NUGGC: variants seen among roughly 807,000 people sequenced by gnomAD.
The protein encoded by NUGGC is nuclear GTPase SLIP-GC.
Under a neutral mutation model 92.6 loss-of-function variants are expected in NUGGC, and 58 were observed. The ratio of observed to expected loss-of-function variants is 0.63; its 90% CI spans 0.51 to 0.78. NUGGC has a LOEUF of 0.78. Among genes scored for constraint, NUGGC ranks in the 30% least tolerant of loss-of-function variants. The probability of loss-of-function intolerance (pLI) is 0.00; values close to 1 mark genes in which losing one functional copy is unlikely to be tolerated. For missense variants in NUGGC, 925 were observed against 964.6 expected (o/e 0.96, Z 0.54); for synonymous variants, 376 against 366.4 (o/e 1.03, Z -0.30).
At chr8:28,070,137 A>G in intron 3 of NUGGC, 115 bp downstream of exon 3, 2 of 1,453,400 alleles carry the variant, frequency 1.4e-6, no homozygotes, top group Non-Finnish European at 1.8e-6. Context: ...TTTCCAAAAC[A>G]GGTTTATTTG....
Position 28,023,458 on chromosome 8 carries a change from G to A in NUGGC, c.2250C>T (p.Val750=), listed in dbSNP as rs1188522488. The change falls in exon 19 of 19, where the codon GTC becomes GTT. Residue 750 remains valine, a synonymous_variant. Coordinates refer to ENST00000413272, the MANE Select transcript of NUGGC (RefSeq NM_001010906.2). The stretch of plus-strand genomic sequence containing the variant: ...TCTCCATCTCCTTGTATTCACTCCC[G>A]ACATCTACAGGAGAGCAGAAAGCTC... The part of the protein sequence containing the change: ...GDGLYKELAD[V]GSEYKEMEKL... 16 of 1,613,204 alleles carry A rather than the reference G, an allele frequency of 9.9e-6. No individual in the cohort carries two copies. Among genetic ancestry groups the A allele is most frequent in the African/African-American group, 1.3e-5 (1 of 74,972 alleles).
intron 16 of NUGGC, 53 bp downstream of exon 16, chr8:28,030,257 T>C: frequency 1.0e-6 from 1 of 975,572 alleles, no homozygotes. Context: ...ATGCGAAAGA[T>C]GCTGACAGAA....
At position 28,079,763 on chromosome 8, in the gene NUGGC, G is replaced by A. The variant is rs74636689; in HGVS notation, c.-47+4012C>T. Among the ~76,000 whole-genome samples, 833 of 152,304 alleles carry A rather than the reference G, an allele frequency of 5.5e-3. 6 individuals carry two copies. Among genetic ancestry groups the A allele is most frequent in the African/African-American group, 0.019 (776 of 41,560 alleles). ...GGCATAGGGCAATGGAAGGAGTAGT[G>A]CCCGCAAAGGAGGGTTCCCTCAAAT... On this transcript the variant is annotated intron_variant, in intron 1 of 18. Transcript: ENST00000413272.
chr8:28,027,132 T>C (rs1585549832), intron 17 of NUGGC, 80 bp from the exon 18 acceptor site: 2 of 1,143,446 alleles, frequency 1.7e-6, no homozygotes. Context: ...CCCCACCCAG[T>C]CCCCCAGCCA....
At chr8:28,033,187 G>A (rs1388598962) in intron 14 of NUGGC, among the ~76,000 whole-genome samples, 1 of 152,042 alleles carries the variant, frequency 6.6e-6, no homozygotes, top group Non-Finnish European at 1.5e-5. Context: ...AAGAAAGAAA[G>A]TTCTAAAGGC....
Position 28,041,228 on chromosome 8 carries a change from ACCATAAAAGAATCAGGCCAC to A in NUGGC, c.1447-33_1447-14del. ...GCAAGTGTTCATTCTAGGGACAAGGACCATAAAAGAATCAGGCCACCCCCTCCCTAAGGGCACCTTCTCCT... is the reference window on the plus strand; with the variant it reads ...GCAAGTGTTCATTCTAGGGACAAGGACCCCTCCCTAAGGGCACCTTCTCCT... On this transcript the variant is annotated splice_polypyrimidine_tract_variant and intron_variant, in intron 12 of 18. Coordinates refer to ENST00000413272, the MANE Select transcript of NUGGC (RefSeq NM_001010906.2). 6.2e-7 allele frequency: 1 copy of A among 1,601,726 alleles called. No individual in the cohort carries two copies. Among genetic ancestry groups the A allele is most frequent in the Non-Finnish European group, 8.5e-7 (1 of 1,172,900 alleles).
chr8:28,072,184 T>C (rs1810607224), intron 2 of NUGGC, among the ~76,000 whole-genome samples: 1 of 152,216 alleles, frequency 6.6e-6, no homozygotes, highest in African/African-American at 2.4e-5. Context: ...TGAGAGAGGT[T>C]ATACTTCGAC....
intron 10 of NUGGC, 44 bp from the exon 11 acceptor site, chr8:28,047,656 T>C (rs757384310): frequency 2.4e-5 from 30 of 1,257,786 alleles, no homozygotes; most frequent in Admixed American, 8.2e-5. Flanking sequence ...ACTCAAACCA[T>C]AGCAAAGGCA....
At chr8:28,064,843 G>C (rs551599512) in intron 6 of NUGGC, 112 bp from the exon 7 acceptor site, 2 of 847,834 alleles carry the variant, frequency 2.4e-6, no homozygotes, top group Non-Finnish European at 3.7e-6. Context: ...TAAGAAGTGC[G>C]TCCAACAGGA....
intron 13 of NUGGC, among the ~76,000 whole-genome samples, chr8:28,035,612 C>A (rs1809535043): frequency 1.3e-5 from 2 of 152,294 alleles, no homozygotes; most frequent in South Asian, 2.1e-4. Context: ...ACCATGGAAA[C>A]TTCCATGGCC....
In NUGGC at chr8:28,060,478, C is replaced by T. The variant is rs747273858; in HGVS notation, c.1045G>A (p.Val349Met). 2.5e-5 allele frequency: 40 copies of T among 1,613,802 alleles called. 1 individual carries two copies. In the South Asian group the frequency reaches 3.7e-4, roughly 15 times the overall value. The change falls in exon 8 of 19, where the codon GTG becomes ATG. Residue 349 changes from valine (V) to methionine (M), a missense_variant. Coordinates refer to ENST00000413272, the MANE Select transcript of NUGGC (RefSeq NM_001010906.2). Reference protein sequence around the residue: ...KACQRGFCRDVALVVTKMDKL... With the variant: ...KACQRGFCRDMALVVTKMDKL... ...TCCATCTTGGTGACCACCAGGGCCA[C>T]GTCCCTACAGAAGCCCCGCTGGCAG...
chr8:28,069,759 G>A, intron 3 of NUGGC, 107 bp from the exon 4 acceptor site: 1 of 727,476 alleles, frequency 1.4e-6, no homozygotes, highest in Non-Finnish European at 2.5e-6. Context: ...AAAAAAAAAT[G>A]AAATGAAAAG....
chr8:28,022,772 A>T lies in NUGGC; in HGVS notation c.*545T>A, dbSNP rs1195453808. ...CAAGATGCCATCTCCACAAAAAATT[A>T]AAAAATTACCCAGGTATGGGCCGGG... On this transcript the variant is annotated 3_prime_UTR_variant, in exon 19 of 19. Transcript: ENST00000413272. 3 of 151,978 alleles carry T rather than the reference A, an allele frequency of 2.0e-5. No individual in the cohort carries two copies. The highest frequency in any genetic ancestry group is 3.9e-4 in the East Asian group (2 of 5,106). The allele number at this position is 151,978 out of a possible 1,614,324, so 9.4% of individuals were successfully genotyped here. A position where few individuals can be genotyped will look rare whatever the true frequency, so the allele number is the denominator to read the frequency against.
At chr8:28,072,273 A>C (rs1810609636) in intron 2 of NUGGC, among the ~76,000 whole-genome samples, 1 of 152,236 alleles carries the variant, frequency 6.6e-6, no homozygotes, top group African/African-American at 2.4e-5. Context: ...GGACTGCCTT[A>C]GAACTAAATA....
intron 1 of NUGGC, among the ~76,000 whole-genome samples, chr8:28,078,708 C>T (rs532113962): frequency 9.3e-4 from 142 of 152,172 alleles, no homozygotes; most frequent in African/African-American, 3.3e-3. Flanking sequence ...TTAGGGCTTC[C>T]GTGTGGCCAA....
At chr8:28,043,945 C>G (rs917517653) in intron 12 of NUGGC, among the ~76,000 whole-genome samples, 1 of 152,168 alleles carries the variant, frequency 6.6e-6, no homozygotes, top group East Asian at 1.9e-4. Context: ...TCTTGTACAA[C>G]TAGACCAAAA....
Position 28,023,456 on chromosome 8 carries a change from C to T in NUGGC, c.2252G>A (p.Gly751Glu). 7 of 1,613,492 alleles carry T rather than the reference C, an allele frequency of 4.3e-6. No homozygotes were observed. The highest frequency in any genetic ancestry group is 5.9e-6 in the Non-Finnish European group (7 of 1,179,664). ...DGLYKELADV[G>E]SEYKEMEKLH... ...CTTCTCCATCTCCTTGTATTCACTC[C>T]CGACATCTACAGGAGAGCAGAAAGC... Residue 751 changes from glycine (G) to glutamate (E), a missense_variant, in exon 19 of 19, where the codon GGG becomes GAG. Coordinates refer to ENST00000413272, the MANE Select transcript of NUGGC (RefSeq NM_001010906.2).
chr8:28,071,320 A>T (rs138456960), intron 2 of NUGGC, among the ~76,000 whole-genome samples: 1 of 152,324 alleles, frequency 6.6e-6, no homozygotes, highest in East Asian at 1.9e-4. Flanking sequence ...CTAGGAAAGA[A>T]AGCGACTAGA....
chr8:28,056,120 A>T, intron 9 of NUGGC, 66 bp from the exon 10 acceptor site: 1 of 885,416 alleles, frequency 1.1e-6, no homozygotes, highest in East Asian at 2.6e-5. Flanking sequence ...AGGTGGCAAG[A>T]TGCACATTTT....
Sources: allele counts gnomAD v4.1 joint callset (sites outside exome capture counted in the v4.1 genomes callset), GRCh38; gene constraint gnomAD v4.1.1; transcripts MANE v1.5; gene names NCBI Gene and HGNC (gene_info 2026-07-23, HGNC 2026-07-21).